CHD2: variants seen among roughly 807,000 people sequenced by gnomAD.
The protein encoded by CHD2 is ATP-dependent chromatin remodeler CHD2.
In CHD2, 28 loss-of-function variants were observed where a neutral mutation model predicts 243.9. That is an observed-to-expected ratio of 0.11 (90% CI 0.09 to 0.16). The LOEUF (loss-of-function observed/expected upper bound fraction) is 0.16. Ranked by LOEUF, CHD2 falls within the 10% of genes least tolerant of loss-of-function variation. CHD2 has a pLI of 1.00. For missense variants in CHD2, 1,386 were observed against 2,209.8 expected, an observed-to-expected ratio of 0.63 and a Z score of 7.47; for synonymous variants, 775 against 779.0, an observed-to-expected ratio of 0.99 and a Z score of 0.09.
At chr15:92,995,353 A>G (rs939975221) in intron 28 of CHD2, among the ~76,000 whole-genome samples, 2 of 152,230 alleles carry the variant, frequency 1.3e-5, no homozygotes, top group Non-Finnish European at 2.9e-5. Context: ...AGTCACAACT[A>G]TAAAACAAGG....
chr15:92,940,791 AT>A (rs1377640846), intron 7 of CHD2, among the ~76,000 whole-genome samples: 1 of 130,782 alleles, frequency 7.6e-6, no homozygotes, highest in Non-Finnish European at 1.7e-5. Flanking sequence ...TAAAAAATAT[AT>A]AAATATATAA....
In CHD2 at chr15:92,900,402, C is replaced by T. The variant is rs2052512891; in HGVS notation, c.-494C>T. 2 of 394,476 alleles carry T rather than the reference C, an allele frequency of 5.1e-6. No individual in the cohort carries two copies. The highest frequency in any genetic ancestry group is 2.1e-5 in the African/African-American group (1 of 48,516). The allele number at this position is 394,476 out of a possible 1,614,324, so 24.4% of individuals were successfully genotyped here. A position where few individuals can be genotyped will look rare whatever the true frequency, so the allele number is the denominator to read the frequency against. On this transcript the variant is annotated 5_prime_UTR_variant, in exon 1 of 39. It adds an upstream start codon to the 5' untranslated region. Transcript: ENST00000394196. ...TGCTCCCTGCCTTTGCCTCACTTTA[C>T]GCAACTTTCCCTAACTTTCGGGCAG... is the stretch of plus-strand genomic sequence containing the variant.
intron 35 of CHD2, among the ~76,000 whole-genome samples, chr15:93,009,757 A>G (rs2054367327): frequency 6.6e-6 from 1 of 152,246 alleles, no homozygotes; most frequent in Non-Finnish European, 1.5e-5. Flanking sequence ...CGCAAGAACT[A>G]TGAGTTCTCT....
chr15:92,976,910 A>T (rs1180296664), intron 20 of CHD2, among the ~76,000 whole-genome samples: 1 of 151,864 alleles, frequency 6.6e-6, no homozygotes, highest in Non-Finnish European at 1.5e-5. Flanking sequence ...AAAAAAAAAA[A>T]AAATTTTTTT....
At chr15:93,013,261 C>T (rs1385095338) in intron 36 of CHD2, among the ~76,000 whole-genome samples, 1 of 151,898 alleles carries the variant, frequency 6.6e-6, no homozygotes, top group African/African-American at 2.4e-5. Context: ...ATACAGGAAT[C>T]ATATACTAAT....
intron 16 of CHD2, among the ~76,000 whole-genome samples, chr15:92,964,039 C>G (rs575147666): frequency 7.9e-5 from 12 of 152,362 alleles, no homozygotes; most frequent in African/African-American, 2.6e-4. Flanking sequence ...CATTAAGTAG[C>G]TGTGGCATTC....
At chr15:92,940,984 TA>T (rs1214535847) in intron 7 of CHD2, among the ~76,000 whole-genome samples, 1 of 125,272 alleles carries the variant, frequency 8.0e-6, no homozygotes, top group Non-Finnish European at 1.6e-5. Flanking sequence ...TAAATATAAA[TA>T]TATATATAAA....
At position 92,953,322 on chromosome 15, in the gene CHD2, A is replaced by AT. The variant is rs755186589; in HGVS notation, c.1503-28dup. The AT allele has an allele frequency of 1.7e-5, 27 of 1,583,694 alleles. 1 individual carries two copies. The Middle Eastern group carries it at 6.7e-4, about 39-fold the overall frequency. On this transcript the variant is annotated intron_variant, in intron 13 of 38. Coordinates refer to ENST00000394196, the MANE Select transcript of CHD2 (RefSeq NM_001271.4). ...CATTCTGTGTTTTGGTGAACTAATG[A>AT]TTTTTTTGTTTTTATTTATTTTTTC...
At chr15:93,010,206 A>G (rs899106259) in intron 35 of CHD2, among the ~76,000 whole-genome samples, 1 of 151,896 alleles carries the variant, frequency 6.6e-6, no homozygotes, top group Non-Finnish European at 1.5e-5. Flanking sequence ...TATGTACCAC[A>G]TTTTCTTTAT....
intron 24 of CHD2, among the ~76,000 whole-genome samples, chr15:92,983,243 C>A (rs1198396390): frequency 6.6e-6 from 1 of 152,158 alleles, no homozygotes; most frequent in East Asian, 1.9e-4. Context: ...GACTGCTGCT[C>A]CTTTCTTCAG....
chr15:93,000,440 C>T, intron 31 of CHD2, 72 bp from the exon 32 acceptor site: 1 of 1,425,156 alleles, frequency 7.0e-7, no homozygotes, highest in Non-Finnish European at 9.5e-7. Flanking sequence ...TTTAAAGAGT[C>T]ATCATGTTGT....
Position 92,915,172 on chromosome 15 carries a change from C to T in CHD2, c.63-9149C>T, listed in dbSNP as rs556241194. Among the ~76,000 whole-genome samples the T allele has an allele frequency of 3.9e-5, 6 of 152,222 alleles. No homozygotes were observed. The South Asian group carries it at 1.2e-3, about 32-fold the overall frequency. ...GTGACTGCTGAGAGCACTGCTGAAT[C>T]CTGGGGAGGGGCCTGCACCTTAGAA... On this transcript the variant is annotated intron_variant, in intron 2 of 38. Coordinates refer to ENST00000394196, the MANE Select transcript of CHD2 (RefSeq NM_001271.4).
At position 92,947,790 on chromosome 15, in the gene CHD2, C is replaced by T. The variant is rs140382606; in HGVS notation, c.1378-1162C>T. Among the ~76,000 whole-genome samples the T allele has an allele frequency of 1.6e-4, 24 of 152,196 alleles. 1 individual carries two copies. Among genetic ancestry groups the T allele is most frequent in the South Asian group, 4.2e-4 (2 of 4,818 alleles). On this transcript the variant is annotated intron_variant, in intron 12 of 38. Transcript: ENST00000394196. ...GGTTTTGGAGTTGAGAGTAAGCAGT[C>T]GGATTCCATTCACTGCCAGCCGCCC...
At chr15:92,941,724 C>A in intron 7 of CHD2, 98 bp from the exon 8 acceptor site, 2 of 1,275,302 alleles carry the variant, frequency 1.6e-6, no homozygotes, top group Non-Finnish European at 2.2e-6. Flanking sequence ...GCTTTTGGAA[C>A]CAAAAGGGTA....
At chr15:93,008,197 G>A (rs2054346249) in intron 34 of CHD2, among the ~76,000 whole-genome samples, 1 of 152,212 alleles carries the variant, frequency 6.6e-6, no homozygotes, top group African/African-American at 2.4e-5. Flanking sequence ...TCTGGAATGT[G>A]AGAGGCAGAG....
chr15:92,992,947 G>A lies in CHD2; in HGVS notation c.3544G>A (p.Val1182Met). ...GGGTGAACTGATCCACAACAGCTGTGTGTCAGCAATGCAGGAATACGAAGA... is the reference window on the plus strand; with the variant it reads ...GGGTGAACTGATCCACAACAGCTGTATGTCAGCAATGCAGGAATACGAAGA... Reference protein sequence around the residue: ...RLGELIHNSCVSAMQEYEEQL... With the variant: ...RLGELIHNSCMSAMQEYEEQL... The change falls in exon 28 of 39, where the codon GTG (valine) becomes ATG (methionine). Residue 1182 changes from valine (V) to methionine (M), a missense_variant. Physicochemically the swap from Val to Met is conservative, Grantham distance 21. Coordinates refer to ENST00000394196, the MANE Select transcript of CHD2 (RefSeq NM_001271.4). The A allele has an allele frequency of 6.2e-7, 1 of 1,614,130 alleles. No homozygotes were observed.
chr15:92,915,688 A>G (rs760890320), intron 2 of CHD2, among the ~76,000 whole-genome samples: 38 of 152,266 alleles, frequency 2.5e-4, no homozygotes, highest in African/African-American at 9.2e-4. Context: ...TTTGTGTTTT[A>G]AAAATTTAAT....
At chr15:92,993,983 A>T (rs952537723) in intron 28 of CHD2, among the ~76,000 whole-genome samples, 2 of 152,184 alleles carry the variant, frequency 1.3e-5, no homozygotes, top group African/African-American at 2.4e-5. Flanking sequence ...AAATATAAAT[A>T]AATTAATTAA....
intron 2 of CHD2, among the ~76,000 whole-genome samples, chr15:92,907,623 C>G (rs1386293753): frequency 6.6e-6 from 1 of 152,126 alleles, no homozygotes; most frequent in Non-Finnish European, 1.5e-5. Context: ...TGAAGAAGCA[C>G]TTATGATTGG....
Sources: gnomAD v4.1 joint callset for allele counts (sites outside exome capture counted in the v4.1 genomes callset) on GRCh38, gnomAD v4.1.1 for gene constraint, MANE v1.5 for transcripts, NCBI Gene and HGNC (gene_info 2026-07-23, HGNC 2026-07-21) for gene names.